Variants in GATB observed in about 807,000 individuals in gnomAD.
The protein encoded by GATB is glutamyl-tRNA amidotransferase subunit B.
Under a neutral mutation model 62.3 loss-of-function variants are expected in GATB, and 39 were observed. The observed-to-expected ratio is 0.63, with a 90% CI of 0.48 to 0.82. GATB has a LOEUF of 0.82. GATB is among the 40% of genes least tolerant of loss of function. The pLI is 0.00. For synonymous variants in GATB, 276 were observed against 258.9 expected (o/e 1.07, Z -0.63); for missense variants, 670 against 684.0 (o/e 0.98, Z 0.23).
intron 2 of GATB, among the ~76,000 whole-genome samples, chr4:151,748,819 A>G (rs999759034): frequency 9.2e-5 from 14 of 152,220 alleles, no homozygotes; most frequent in Admixed American, 2.0e-4. Flanking sequence ...TTTACAAGAA[A>G]AAAACAACCC....
In GATB at chr4:151,671,245, G is replaced by GGC; in HGVS notation, c.1602_1603insGC (p.Arg535AlafsTer13). 3.7e-6 allele frequency: 6 copies of GGC among 1,613,912 alleles called. No homozygotes were observed. In the South Asian group the frequency reaches 6.6e-5, roughly 18 times the overall value. On this transcript the variant is annotated frameshift_variant, in exon 13 of 13. Coordinates refer to ENST00000263985, the MANE Select transcript of GATB (RefSeq NM_004564.3). LOFTEE classifies it high-confidence loss of function. ...TCTGCTCGGCTTTGAGTCGCTTTCC[G>GGC]GACCAACCCAATCAGTTTATTTATA...
intron 2 of GATB, among the ~76,000 whole-genome samples, chr4:151,752,896 T>A (rs1465231631): frequency 6.6e-6 from 1 of 152,192 alleles, no homozygotes; most frequent in Non-Finnish European, 1.5e-5. Flanking sequence ...GGCTTATTCA[T>A]CAGTGGCCTT....
chr4:151,717,393 C>A (rs1356997454), intron 3 of GATB: 5 of 296,984 alleles, frequency 1.7e-5, no homozygotes, highest in Admixed American at 4.9e-5. Context: ...TTGTCAGGGA[C>A]CCCTAAGAAA....
At chr4:151,750,498 G>A (rs1739699878) in intron 2 of GATB, among the ~76,000 whole-genome samples, 1 of 152,100 alleles carries the variant, frequency 6.6e-6, no homozygotes, top group African/African-American at 2.4e-5. Flanking sequence ...CTTGTTTTAA[G>A]AACGTGGACT....
chr4:151,701,290 G>A, intron 9 of GATB, 39 bp downstream of exon 9: 2 of 1,470,010 alleles, frequency 1.4e-6, no homozygotes, highest in South Asian at 1.5e-5. Flanking sequence ...TGCCCCATCT[G>A]CTGAGCCGGG....
At chr4:151,686,290 T>C (rs28659854) in intron 10 of GATB, among the ~76,000 whole-genome samples, 63,431 of 151,880 alleles carry the variant, frequency 0.42, 13,730 homozygotes, top group South Asian at 0.58. Context: ...TCATTCAAGC[T>C]GAGCAGCCGA....
chr4:151,736,826 GT>G (rs1447416774), intron 2 of GATB, among the ~76,000 whole-genome samples: 1 of 152,164 alleles, frequency 6.6e-6, no homozygotes, highest in African/African-American at 2.4e-5. Context: ...AGATCTGATG[GT>G]TTTAAAACTG....
chr4:151,675,837 G>A (rs1379454611), intron 11 of GATB: 1 of 152,250 alleles, frequency 6.6e-6, no homozygotes, highest in African/African-American at 2.4e-5. Flanking sequence ...AGCCGGCTCT[G>A]ACACATGGGG....
intron 2 of GATB, among the ~76,000 whole-genome samples, chr4:151,732,439 G>A (rs1289762795): frequency 1.3e-5 from 2 of 151,878 alleles, no homozygotes; most frequent in Non-Finnish European, 2.9e-5. Flanking sequence ...TGTGCTCTGG[G>A]GCATGTGCTG....
intron 9 of GATB, among the ~76,000 whole-genome samples, chr4:151,697,953 G>GTGTATGTA (rs1186735671): frequency 2.5e-5 from 1 of 40,610 alleles, no homozygotes; most frequent in African/African-American, 1.3e-4. Context: ...GTGTGTGTGT[G>GTGTATGTA]TATATATATA....
chr4:151,706,421 C>T (rs570029212), intron 6 of GATB, among the ~76,000 whole-genome samples: 1 of 152,180 alleles, frequency 6.6e-6, no homozygotes, highest in Non-Finnish European at 1.5e-5. Context: ...GGTCCCAGCC[C>T]ACTACCTACA....
intron 11 of GATB, among the ~76,000 whole-genome samples, chr4:151,678,509 A>G (rs1738060645): frequency 6.6e-6 from 1 of 152,082 alleles, no homozygotes; most frequent in Non-Finnish European, 1.5e-5. Flanking sequence ...AACTTCCTGC[A>G]ACTGCTCAGC....
chr4:151,707,354 C>T (rs543068636), intron 6 of GATB, among the ~76,000 whole-genome samples: 4 of 152,188 alleles, frequency 2.6e-5, no homozygotes, highest in East Asian at 1.9e-4. Flanking sequence ...AGTGCAGTGG[C>T]GTGATCACAG....
chr4:151,712,016 G>A (rs1738827275), intron 5 of GATB, among the ~76,000 whole-genome samples: 1 of 152,182 alleles, frequency 6.6e-6, no homozygotes, highest in Non-Finnish European at 1.5e-5. Context: ...TGCAATACTT[G>A]GGAGACAACT....
chr4:151,672,614 C>T (rs1366040312), intron 12 of GATB, 148 bp downstream of exon 12: 6 of 784,186 alleles, frequency 7.7e-6, no homozygotes, highest in African/African-American at 7.0e-5. Flanking sequence ...CTGACCTTAA[C>T]TAAAAAGATG....
Position 151,717,011 on chromosome 4 carries a change from C to T in GATB, c.505G>A (p.Val169Ile), listed in dbSNP as rs112465008. The T allele has an allele frequency of 7.7e-5, 125 of 1,614,162 alleles. No individual in the cohort carries two copies. Among genetic ancestry groups the T allele is most frequent in the African/African-American group, 6.5e-4 (49 of 75,038 alleles). The change falls in exon 4 of 13, where the codon GTC becomes ATC. Residue 169 changes from valine to isoleucine, a missense_variant. Transcript: ENST00000263985. ...TGACTCTGCTTCTTCCCTGCACAGA[C>T]GCCATATATCAAGCTCCCATTCACA... ...IAVNGSLIYG[V>I]CAGKKQSQVI...
chr4:151,710,127 A>G (rs1393653412), intron 5 of GATB, among the ~76,000 whole-genome samples: 1 of 152,150 alleles, frequency 6.6e-6, no homozygotes, highest in Non-Finnish European at 1.5e-5. Flanking sequence ...CTTATAATCT[A>G]TACTACAGAA....
At chr4:151,684,702 A>C (rs1384704751) in intron 10 of GATB, among the ~76,000 whole-genome samples, 1 of 152,216 alleles carries the variant, frequency 6.6e-6, no homozygotes, top group African/African-American at 2.4e-5. Context: ...TTGGCTTCTC[A>C]GTCCTTGTTC....
intron 9 of GATB, among the ~76,000 whole-genome samples, chr4:151,700,493 T>C (rs1373287850): frequency 1.3e-5 from 2 of 152,164 alleles, no homozygotes; most frequent in Admixed American, 6.5e-5. Context: ...TAAATAGACA[T>C]ATAAATATAT....
Sources: gnomAD v4.1 joint callset for allele counts (sites outside exome capture counted in the v4.1 genomes callset) on GRCh38, gnomAD v4.1.1 for gene constraint, MANE v1.5 for transcripts, NCBI Gene and HGNC (gene_info 2026-07-23, HGNC 2026-07-21) for gene names.